Variants in RBFOX1 observed in about 807,000 individuals in gnomAD.
The protein encoded by RBFOX1 is RNA binding fox-1 homolog 1.
RBFOX1 carries 8 observed loss-of-function variants against 57.7 expected under a neutral mutation model. That is an observed-to-expected ratio of 0.14 (90% CI 0.08 to 0.25). The LOEUF is 0.25. RBFOX1 is among the 10% of genes least tolerant of loss of function. RBFOX1 has a pLI of 1.00. For synonymous variants in RBFOX1, 326 were observed against 222.4 expected (o/e 1.47, Z -4.15); for missense variants, 611 against 548.5 (o/e 1.11, Z -1.14).
At chr16:6,066,320 A>T (rs2003936) in intron 1 of RBFOX1, among the ~76,000 whole-genome samples, 29,226 of 131,734 alleles carry the variant, frequency 0.22, 4,639 homozygotes, top group Non-Finnish European at 0.32. Flanking sequence ...AAAAAAAAAA[A>T]GGCATAATTC....
chr16:6,894,023 C>G (rs917503911), intron 3 of RBFOX1, among the ~76,000 whole-genome samples: 16 of 152,182 alleles, frequency 1.1e-4, no homozygotes, highest in African/African-American at 3.9e-4. Flanking sequence ...ATCCCAAAGA[C>G]AGCTCTTTAT....
At chr16:5,916,220 A>G (rs1255121532) in intron 4 of RBFOX1, among the ~76,000 whole-genome samples, 1 of 152,110 alleles carries the variant, frequency 6.6e-6, no homozygotes, top group African/African-American at 2.4e-5. Flanking sequence ...TGAAAGGATG[A>G]TTTCTTCCCA....
chr16:5,845,859 A>T (rs2151855157), intron 3 of RBFOX1, among the ~76,000 whole-genome samples: 1 of 152,222 alleles, frequency 6.6e-6, no homozygotes, highest in African/African-American at 2.4e-5. Flanking sequence ...CTATCTTTTG[A>T]GGGTAATGAG....
chr16:6,469,509 G>A (rs148151758), intron 2 of RBFOX1, among the ~76,000 whole-genome samples: 7 of 152,256 alleles, frequency 4.6e-5, no homozygotes, highest in African/African-American at 1.4e-4. Context: ...AAAAGAGTTA[G>A]CTTTGAAAAC....
chr16:6,823,204 A>G (rs1259965799), intron 3 of RBFOX1, among the ~76,000 whole-genome samples: 1 of 151,266 alleles, frequency 6.6e-6, no homozygotes, highest in African/African-American at 2.4e-5. Context: ...AGCATTAAGC[A>G]TTCTACTTCA....
chr16:6,809,371 C>G (rs1223870480), intron 3 of RBFOX1, among the ~76,000 whole-genome samples: 1 of 152,120 alleles, frequency 6.6e-6, no homozygotes, highest in Non-Finnish European at 1.5e-5. Flanking sequence ...GCCACTGTGC[C>G]AGACACTTTC....
At chr16:5,246,128 G>A (rs1296222205) in intron 1 of RBFOX1, among the ~76,000 whole-genome samples, 1 of 152,136 alleles carries the variant, frequency 6.6e-6, no homozygotes, top group African/African-American at 2.4e-5. Context: ...TGTAATCCCA[G>A]CTACTTGGGA....
intron 3 of RBFOX1, among the ~76,000 whole-genome samples, chr16:6,874,510 A>T (rs899482648): frequency 4.7e-4 from 4 of 8,514 alleles, no homozygotes; most frequent in African/African-American, 4.9e-3. Context: ...GACTCCATCT[A>T]AAAAAAAAAA....
chr16:7,490,880 A>G (rs34947614), intron 4 of RBFOX1, among the ~76,000 whole-genome samples: 43,400 of 152,134 alleles, frequency 0.29, 6,725 homozygotes, highest in South Asian at 0.43. Flanking sequence ...TTGCTCTGAC[A>G]TTAGGGTGTC....
intron 3 of RBFOX1, among the ~76,000 whole-genome samples, chr16:6,669,265 G>T (rs1284293039): frequency 6.6e-6 from 1 of 152,176 alleles, no homozygotes; most frequent in Non-Finnish European, 1.5e-5. Flanking sequence ...ATGCCCGTGT[G>T]TGTGCGTTTG....
chr16:7,406,292 C>T (rs140855025), intron 4 of RBFOX1, among the ~76,000 whole-genome samples: 43 of 152,278 alleles, frequency 2.8e-4, no homozygotes, highest in African/African-American at 9.1e-4. Flanking sequence ...CTTGTTCATA[C>T]GGTTTCTAAT....
At chr16:7,276,362 T>C (rs1007631943) in intron 4 of RBFOX1, among the ~76,000 whole-genome samples, 10 of 152,158 alleles carry the variant, frequency 6.6e-5, no homozygotes, top group African/African-American at 2.4e-4. Context: ...GCTTGTGTCT[T>C]AGGACAGATG....
chr16:7,384,679 C>T (rs1032061273), intron 4 of RBFOX1, among the ~76,000 whole-genome samples: 5 of 152,246 alleles, frequency 3.3e-5, no homozygotes, highest in Non-Finnish European at 1.5e-5. Flanking sequence ...TAAGACCATC[C>T]TGTAATGACA....
intron 3 of RBFOX1, among the ~76,000 whole-genome samples, chr16:7,044,153 T>C (rs2047111003): frequency 6.6e-6 from 1 of 152,110 alleles, no homozygotes; most frequent in African/African-American, 2.4e-5. Context: ...AGAAGGTGCT[T>C]GAGATATGTG....
chr16:5,682,113 C>T (rs1004847655), intron 3 of RBFOX1, among the ~76,000 whole-genome samples: 1 of 152,100 alleles, frequency 6.6e-6, no homozygotes, highest in African/African-American at 2.4e-5. Context: ...TTCAGATTGC[C>T]GTTTCATGTC....
intron 3 of RBFOX1, among the ~76,000 whole-genome samples, chr16:5,856,220 T>TATATATAC (rs2057043947): frequency 9.6e-5 from 3 of 31,304 alleles, no homozygotes; most frequent in Non-Finnish European, 1.5e-4. Context: ...TATATATGTA[T>TATATATAC]ATATATATGT....
At chr16:5,920,374 G>C (rs557927203) in intron 4 of RBFOX1, among the ~76,000 whole-genome samples, 2 of 152,274 alleles carry the variant, frequency 1.3e-5, no homozygotes, top group South Asian at 2.1e-4. Context: ...CATTTGGGCT[G>C]TTCCTACCTT....
chr16:7,621,587 A>G (rs1225279781), intron 10 of RBFOX1, among the ~76,000 whole-genome samples: 1 of 152,204 alleles, frequency 6.6e-6, no homozygotes, highest in Non-Finnish European at 1.5e-5. Context: ...TTGAAAAACA[A>G]TCCAAAAGAA....
At chr16:7,329,601 G>A (rs973001349) in intron 4 of RBFOX1, among the ~76,000 whole-genome samples, 3 of 152,182 alleles carry the variant, frequency 2.0e-5, no homozygotes, top group South Asian at 2.1e-4. Context: ...GGTTTTGAAC[G>A]AGGACGAAGT....
Sources: allele counts gnomAD v4.1 joint callset (sites outside exome capture counted in the v4.1 genomes callset), GRCh38; gene constraint gnomAD v4.1.1; transcripts MANE v1.5; gene names NCBI Gene and HGNC (gene_info 2026-07-23, HGNC 2026-07-21).